ACYP2: variants seen among roughly 807,000 people sequenced by gnomAD.
ACYP2 encodes the protein acylphosphatase 2, also known as acylphosphatase-2.
In ACYP2, 12 loss-of-function variants were observed where a neutral mutation model predicts 11.2. The ratio of observed to expected loss-of-function variants is 1.08; its 90% CI spans 0.69 to 1.74. The LOEUF (loss-of-function observed/expected upper bound fraction) is 1.74. Ranked by LOEUF, ACYP2 falls within the 40% of genes most tolerant of loss-of-function variation. ACYP2 has a pLI of 0.00. For missense variants in ACYP2, 134 were observed against 101.9 expected, an observed-to-expected ratio of 1.31 and a Z score of -1.35; for synonymous variants, 43 against 32.2, an observed-to-expected ratio of 1.33 and a Z score of -1.13.
intron 6 of ACYP2, among the ~76,000 whole-genome samples, chr2:54,162,155 A>G (rs76685669): frequency 0.017 from 2,562 of 152,286 alleles, 70 homozygotes; most frequent in African/African-American, 0.058. Flanking sequence ...AACGAATGGG[A>G]TAAGTTTCCC....
chr2:53,988,841 G>T (rs1195617757), intron 2 of ACYP2, among the ~76,000 whole-genome samples: 1 of 152,114 alleles, frequency 6.6e-6, no homozygotes, highest in Non-Finnish European at 1.5e-5. Flanking sequence ...TGCCTCCCGG[G>T]TTCATGCGAT....
intron 6 of ACYP2, among the ~76,000 whole-genome samples, chr2:54,143,762 G>GT (rs1416108301): frequency 7.7e-6 from 1 of 130,354 alleles, no homozygotes; most frequent in African/African-American, 3.0e-5. Flanking sequence ...TTTTTTGGGG[G>GT]GGGGGTATTC....
At chr2:54,007,956 T>C (rs979502478) in intron 2 of ACYP2, among the ~76,000 whole-genome samples, 6 of 152,198 alleles carry the variant, frequency 3.9e-5, no homozygotes, top group Admixed American at 2.0e-4. Flanking sequence ...GGTTAAACTG[T>C]AAACTAAATT....
chr2:54,099,186 A>G (rs540682997), intron 4 of ACYP2, among the ~76,000 whole-genome samples: 1 of 152,292 alleles, frequency 6.6e-6, no homozygotes, highest in Non-Finnish European at 1.5e-5. Context: ...GTATACATTT[A>G]TGGTGTACAA....
chr2:54,158,740 G>C (rs1239060672), intron 6 of ACYP2, among the ~76,000 whole-genome samples: 24 of 152,072 alleles, frequency 1.6e-4, no homozygotes, highest in Admixed American at 1.2e-3. Flanking sequence ...GTAAACTAAG[G>C]CCTCGTGGCT....
At chr2:54,014,521 A>G (rs1673571759) in intron 2 of ACYP2, among the ~76,000 whole-genome samples, 2 of 151,962 alleles carry the variant, frequency 1.3e-5, no homozygotes, top group Non-Finnish European at 2.9e-5. Flanking sequence ...GGGTTTCACC[A>G]CGTTGGCCAG....
At chr2:54,217,596 T>C (rs904961283) in intron 6 of ACYP2, among the ~76,000 whole-genome samples, 14 of 152,054 alleles carry the variant, frequency 9.2e-5, no homozygotes, top group African/African-American at 3.4e-4. Flanking sequence ...TGGTCTTGAA[T>C]TCCTGAGCTC....
chr2:54,087,468 C>T (rs1269552322), intron 4 of ACYP2, among the ~76,000 whole-genome samples: 3 of 152,244 alleles, frequency 2.0e-5, no homozygotes, highest in African/African-American at 7.2e-5. Flanking sequence ...CCCTCCTTAA[C>T]CTCCGCAGTA....
At chr2:54,054,124 C>G (rs1676002803) in intron 3 of ACYP2, among the ~76,000 whole-genome samples, 1 of 152,188 alleles carries the variant, frequency 6.6e-6, no homozygotes. Context: ...AATGAAAGAA[C>G]AGCTTCTGAG....
At chr2:54,275,775 G>A (rs843748) in intron 6 of ACYP2, among the ~76,000 whole-genome samples, 55,405 of 151,988 alleles carry the variant, frequency 0.36, 11,827 homozygotes, top group Non-Finnish European at 0.48. Context: ...AAGTCAGCAC[G>A]TATTGCTTTA....
chr2:54,161,244 GC>G (rs1682697045), intron 6 of ACYP2, among the ~76,000 whole-genome samples: 1 of 152,184 alleles, frequency 6.6e-6, no homozygotes, highest in African/African-American at 2.4e-5. Context: ...CACCTGGGGA[GC>G]TTTTACATGG....
intron 6 of ACYP2, among the ~76,000 whole-genome samples, chr2:54,179,174 T>G: frequency 6.8e-6 from 1 of 147,002 alleles, no homozygotes; most frequent in Non-Finnish European, 1.5e-5. Flanking sequence ...AAACTCAAAG[T>G]GCTTTCTAAA....
At chr2:54,096,867 G>A (rs190567540) in intron 4 of ACYP2, among the ~76,000 whole-genome samples, 233 of 152,018 alleles carry the variant, frequency 1.5e-3, no homozygotes, top group African/African-American at 5.4e-3. Context: ...AGAGGGGGAG[G>A]GGGAGCTAAT....
chr2:54,134,283 C>T (rs1408969451), intron 4 of ACYP2, among the ~76,000 whole-genome samples: 1 of 151,810 alleles, frequency 6.6e-6, no homozygotes, highest in Non-Finnish European at 1.5e-5. Flanking sequence ...CAGAGCAAGA[C>T]CCTGTCTCTA....
intron 6 of ACYP2, among the ~76,000 whole-genome samples, chr2:54,180,508 G>C: frequency 6.6e-6 from 1 of 152,142 alleles, no homozygotes; most frequent in East Asian, 1.9e-4. Context: ...GAGGATTTTA[G>C]GAGTTCTATG....
At chr2:54,212,305 C>T (rs1049459997) in intron 6 of ACYP2, among the ~76,000 whole-genome samples, 2 of 152,118 alleles carry the variant, frequency 1.3e-5, no homozygotes, top group Non-Finnish European at 2.9e-5. Context: ...GGATGGATTG[C>T]CTTTCACATT....
intron 6 of ACYP2, among the ~76,000 whole-genome samples, chr2:54,276,571 A>G (rs1688582169): frequency 6.6e-6 from 1 of 150,938 alleles, no homozygotes; most frequent in South Asian, 2.1e-4. Flanking sequence ...TTTGACTTTG[A>G]TCATGAAAAC....
intron 4 of ACYP2, among the ~76,000 whole-genome samples, chr2:54,112,808 G>A (rs1679527185): frequency 6.6e-6 from 1 of 152,182 alleles, no homozygotes; most frequent in African/African-American, 2.4e-5. Context: ...AAAAATTTCC[G>A]TTTGCTAATG....
intron 2 of ACYP2, among the ~76,000 whole-genome samples, chr2:54,013,643 C>T (rs1008353716): frequency 1.3e-5 from 2 of 151,136 alleles, no homozygotes; most frequent in African/African-American, 4.9e-5. Flanking sequence ...ATTGCCTGCA[C>T]TTCTATACAA....
Sources: allele counts gnomAD v4.1 joint callset (sites outside exome capture counted in the v4.1 genomes callset), GRCh38; gene constraint gnomAD v4.1.1; transcripts MANE v1.5; gene names NCBI Gene and HGNC (gene_info 2026-07-23, HGNC 2026-07-21).